SMAP1: variants seen among roughly 807,000 people sequenced by gnomAD.
The protein encoded by SMAP1 is stromal membrane-associated protein 1.
A neutral mutation model predicts 58.5 loss-of-function variants in SMAP1; 24 were observed. The ratio of observed to expected loss-of-function variants is 0.41; its 90% CI spans 0.30 to 0.58. The LOEUF (loss-of-function observed/expected upper bound fraction) is 0.58. SMAP1 is among the 20% of genes least tolerant of loss of function. The probability of loss-of-function intolerance (pLI) is 0.29; values close to 1 mark genes in which losing one functional copy is unlikely to be tolerated. For synonymous variants in SMAP1, 216 were observed against 196.6 expected (o/e 1.10, Z -0.82); for missense variants, 563 against 566.3 (o/e 0.99, Z 0.06).
chr6:70,753,590 C>T (rs752775022), intron 2 of SMAP1, among the ~76,000 whole-genome samples: 1 of 152,158 alleles, frequency 6.6e-6, no homozygotes, highest in Non-Finnish European at 1.5e-5. Context: ...CTCAGCTCCT[C>T]TCCCCACACA....
intron 1 of SMAP1, among the ~76,000 whole-genome samples, chr6:70,709,466 G>A (rs1767967934): frequency 6.6e-6 from 1 of 152,060 alleles, no homozygotes; most frequent in South Asian, 2.1e-4. Context: ...GCCTGCGACT[G>A]CAGGTGTGTG....
chr6:70,674,505 G>C (rs1766397104), intron 1 of SMAP1, among the ~76,000 whole-genome samples: 1 of 152,154 alleles, frequency 6.6e-6, no homozygotes, highest in Non-Finnish European at 1.5e-5. Flanking sequence ...CTCAATGAAA[G>C]AAGATCAAAG....
At chr6:70,750,229 T>C (rs893784692) in intron 2 of SMAP1, among the ~76,000 whole-genome samples, 2 of 152,182 alleles carry the variant, frequency 1.3e-5, no homozygotes, top group Non-Finnish European at 2.9e-5. Context: ...AAAACAGTGA[T>C]TTTTTAAAAA....
intron 1 of SMAP1, among the ~76,000 whole-genome samples, chr6:70,693,295 CTTCT>C (rs1263591637): frequency 1.8e-5 from 2 of 110,308 alleles, no homozygotes; most frequent in African/African-American, 3.4e-5. Flanking sequence ...AGAATGTCAT[CTTCT>C]TTTTTTTTTT....
chr6:70,856,722 C>G (rs767323855), intron 8 of SMAP1, 137 bp from the exon 9 acceptor site: 57 of 804,080 alleles, frequency 7.1e-5, no homozygotes, highest in Non-Finnish European at 1.0e-4. Flanking sequence ...GTAAGTGATC[C>G]TCTTGAATGG....
intron 6 of SMAP1, among the ~76,000 whole-genome samples, chr6:70,799,872 G>A (rs927208989): frequency 5.3e-5 from 8 of 152,058 alleles, no homozygotes; most frequent in African/African-American, 1.4e-4. Flanking sequence ...TATACCAAAG[G>A]TACTCTTACC....
chr6:70,824,306 A>G (rs1449663723), intron 6 of SMAP1, among the ~76,000 whole-genome samples: 1 of 152,148 alleles, frequency 6.6e-6, no homozygotes, highest in African/African-American at 2.4e-5. Context: ...TAAGGTCAGT[A>G]TGATAGCTAT....
chr6:70,731,531 C>A, intron 1 of SMAP1, among the ~76,000 whole-genome samples: 1 of 152,230 alleles, frequency 6.6e-6, no homozygotes, highest in East Asian at 1.9e-4. Context: ...CCACAGTGAA[C>A]TTTTCCCTGA....
intron 3 of SMAP1, 117 bp from the exon 4 acceptor site, chr6:70,773,233 C>T: frequency 3.2e-6 from 2 of 618,154 alleles, no homozygotes; most frequent in Non-Finnish European, 5.7e-6. Context: ...TGAAAGAGAG[C>T]ACAGATTGAG....
At chr6:70,748,597 A>G (rs1766144682) in intron 2 of SMAP1, among the ~76,000 whole-genome samples, 1 of 152,064 alleles carries the variant, frequency 6.6e-6, no homozygotes, top group Non-Finnish European at 1.5e-5. Context: ...TTAGTAAAGG[A>G]GGAAGTCTCC....
chr6:70,734,045 TAAA>T (rs1452359959), intron 2 of SMAP1, among the ~76,000 whole-genome samples: 4 of 152,148 alleles, frequency 2.6e-5, no homozygotes, highest in African/African-American at 9.7e-5. Context: ...AAACAGTTAT[TAAA>T]TAATAATATT....
At chr6:70,809,889 A>G (rs1010352820) in intron 6 of SMAP1, among the ~76,000 whole-genome samples, 1 of 152,196 alleles carries the variant, frequency 6.6e-6, no homozygotes, top group Non-Finnish European at 1.5e-5. Context: ...TAATAGATTC[A>G]GTATCACTAT....
chr6:70,840,757 T>C (rs1414395168), intron 7 of SMAP1, among the ~76,000 whole-genome samples: 2 of 152,190 alleles, frequency 1.3e-5, no homozygotes, highest in Non-Finnish European at 2.9e-5. Context: ...ATAAACAGGG[T>C]GAGATACTTG....
At chr6:70,776,377 T>C (rs578248454) in intron 4 of SMAP1, among the ~76,000 whole-genome samples, 2 of 152,160 alleles carry the variant, frequency 1.3e-5, no homozygotes, top group African/African-American at 4.8e-5. Flanking sequence ...GACGGGGTTT[T>C]GCCATGTTGG....
intron 4 of SMAP1, among the ~76,000 whole-genome samples, chr6:70,784,728 G>A (rs1465577881): frequency 6.6e-6 from 1 of 152,074 alleles, no homozygotes; most frequent in African/African-American, 2.4e-5. Flanking sequence ...AATGGTAAAG[G>A]GATCAATTCA....
intron 9 of SMAP1, chr6:70,857,375 T>TTGAG (rs1491352729): frequency 1.1e-5 from 2 of 181,556 alleles, no homozygotes; most frequent in Non-Finnish European, 2.3e-5. Flanking sequence ...GTAAACAGTC[T>TTGAG]TGAGTTACCA....
At chr6:70,773,462 G>T in intron 4 of SMAP1, 37 bp downstream of exon 4, 1 of 1,275,536 alleles carries the variant, frequency 7.8e-7, no homozygotes, top group South Asian at 1.4e-5. Context: ...ATTGTTTGTT[G>T]ACTAGATTTC....
At chr6:70,803,564 G>T (rs1442747927) in intron 6 of SMAP1, among the ~76,000 whole-genome samples, 1 of 152,048 alleles carries the variant, frequency 6.6e-6, no homozygotes, top group Admixed American at 6.6e-5. Context: ...TCTTGCTTCT[G>T]TGGTTCTTTT....
chr6:70,836,284 T>C (rs965371014), intron 6 of SMAP1, among the ~76,000 whole-genome samples: 4 of 152,118 alleles, frequency 2.6e-5, no homozygotes, highest in Admixed American at 2.0e-4. Flanking sequence ...ACATCTTATG[T>C]GAATGGCAGC....
Sources: gnomAD v4.1 joint callset for allele counts (sites outside exome capture counted in the v4.1 genomes callset) on GRCh38, gnomAD v4.1.1 for gene constraint, MANE v1.5 for transcripts, NCBI Gene and HGNC (gene_info 2026-07-23, HGNC 2026-07-21) for gene names.